Variants in KCNK12 observed in about 807,000 individuals in gnomAD.
KCNK12 encodes the protein potassium channel subfamily K member 12.
A neutral mutation model predicts 25.3 loss-of-function variants in KCNK12; 6 were observed. The ratio of observed to expected loss-of-function variants is 0.24; its 90% CI spans 0.13 to 0.47. The LOEUF (loss-of-function observed/expected upper bound fraction) is 0.47, where lower values mean the gene tolerates loss of function less well. KCNK12 is among the 20% of genes least tolerant of loss of function. The pLI is 0.99. For missense variants in KCNK12, 444 were observed against 661.7 expected (o/e 0.67, Z 3.61); for synonymous variants, 331 against 311.1 (o/e 1.06, Z -0.67).
intron 1 of KCNK12, among the ~76,000 whole-genome samples, chr2:47,541,859 T>C (rs749732853): frequency 6.6e-6 from 1 of 152,142 alleles, no homozygotes; most frequent in African/African-American, 2.4e-5. Context: ...TACATTTCCA[T>C]TGTTTAAGTC....
chr2:47,524,147 A>T (rs1439848498), intron 1 of KCNK12, among the ~76,000 whole-genome samples: 4 of 152,212 alleles, frequency 2.6e-5, no homozygotes, highest in Non-Finnish European at 5.9e-5. Context: ...AAGTGAAAAA[A>T]ACCAAAATAG....
chr2:47,509,819 G>T lies in KCNK12; in HGVS notation c.*11088C>A, dbSNP rs1035917495. Reference sequence around the variant, plus strand: ...ACCCCCTCCAATTTGTGTAAGGCCAGGGGACTTCCCCCCCACTCCCCAACC... The same window carrying T: ...ACCCCCTCCAATTTGTGTAAGGCCATGGGACTTCCCCCCCACTCCCCAACC... On this transcript the variant is annotated 3_prime_UTR_variant, in exon 2 of 2. Transcript: ENST00000327876. Among the ~76,000 whole-genome samples, 1 of 152,192 alleles carries T rather than the reference G, an allele frequency of 6.6e-6. No homozygotes were observed. The highest frequency in any genetic ancestry group is 2.4e-5 in the African/African-American group (1 of 41,446).
At chr2:47,535,255 G>A (rs1018146335) in intron 1 of KCNK12, 5 of 233,086 alleles carry the variant, frequency 2.1e-5, no homozygotes, top group Non-Finnish European at 3.4e-5. Flanking sequence ...AGAGGCCCAC[G>A]GAGAGCTGTG....
At chr2:47,563,725 T>G (rs964418493) in intron 1 of KCNK12, 3 of 232,934 alleles carry the variant, frequency 1.3e-5, no homozygotes, top group African/African-American at 6.6e-5. Context: ...GGCTGATTGT[T>G]GGCTTTTGTT....
rs2278139 is a variant in KCNK12 at position 47,521,153 on chromosome 2, A to G, written c.1047T>C (p.Gly349=). 525,710 of 1,285,502 alleles carry G rather than the reference A, an allele frequency of 0.41. 115,097 individuals are homozygous for G. The highest frequency in any genetic ancestry group is 0.79 in the African/African-American group (50,649 of 64,160). 79.6% of individuals were successfully genotyped at this position (1,285,502 alleles called of 1,614,324 possible). Residue 349 remains glycine (G), a synonymous_variant, in exon 2 of 2, where the codon GGT becomes GGC. Transcript: ENST00000327876. ...CGCTGTCGCGGGCCGCGGGGTCGGCACCGAGCGCGGCCAGGCGGCGGCGCA... is the reference window on the plus strand; with the variant it reads ...CGCTGTCGCGGGCCGCGGGGTCGGCGCCGAGCGCGGCCAGGCGGCGGCGCA... ...SRLRRRLAAL[G]ADPAARDSDA...
rs1476644787 is a variant in KCNK12 at position 47,521,459 on chromosome 2, G to C, written c.741C>G (p.Leu247=). 1.2e-6 allele frequency: 2 copies of C among 1,612,732 alleles called. No homozygotes were observed. Among genetic ancestry groups the C allele is most frequent in the Admixed American group, 1.7e-5 (1 of 59,906 alleles). The change falls in exon 2 of 2, where the codon CTC becomes CTG. Residue 247 remains leucine, a synonymous_variant. Coordinates refer to ENST00000327876, the MANE Select transcript of KCNK12 (RefSeq NM_022055.2). ...TGCTGAAGGTGACGAAGCAGAAGTA[G>C]AGCGAGTCCACGTAGTCCCAGCCCT... ...SVEGWDYVDS[L]YFCFVTFSTI...
chr2:47,559,074 G>A (rs1171205560), intron 1 of KCNK12, among the ~76,000 whole-genome samples: 1 of 152,212 alleles, frequency 6.6e-6, no homozygotes, highest in Non-Finnish European at 1.5e-5. Context: ...AGCCCCCCTA[G>A]TTCAGAACTG....
At position 47,569,492 on chromosome 2, in the gene KCNK12, C is replaced by T. The variant is rs972900453; in HGVS notation, c.391+449G>A. On this transcript the variant is annotated intron_variant, in intron 1 of 1. Transcript: ENST00000327876. The surrounding 1 kb of genome is among the most constrained non-coding windows in gnomAD (Gnocchi z 4.1). ...AGTTAGAGGCCACTGAGGGAGAAAA[C>T]AGGGTAAAAGAAGAAAGCGGGGGAG... Among the ~76,000 whole-genome samples, 4 of 151,966 alleles carry T rather than the reference C, an allele frequency of 2.6e-5. No individual in the cohort carries two copies. The highest frequency in any genetic ancestry group is 2.1e-4 in the South Asian group (1 of 4,814).
In KCNK12 at chr2:47,538,202, A is replaced by G. The variant is rs981418536; in HGVS notation, c.392-16394T>C. On this transcript the variant is annotated intron_variant, in intron 1 of 1. Coordinates refer to ENST00000327876, the MANE Select transcript of KCNK12 (RefSeq NM_022055.2). This position sits in a 1 kb window ranked among gnomAD's most constrained non-coding sequence, Gnocchi z 4.5. ...AAAGTCCCCTACCCTCAAGAAGCTT[A>G]CATTTCAGTATGGGAGATGGAATAA... Among the ~76,000 whole-genome samples the G allele has an allele frequency of 6.6e-6, 1 of 152,242 alleles. No individual in the cohort carries two copies. The highest frequency in any genetic ancestry group is 1.5e-5 in the Non-Finnish European group (1 of 68,040).
At position 47,524,850 on chromosome 2, in the gene KCNK12, G is replaced by A. The variant is rs184342422; in HGVS notation, c.392-3042C>T. ...TATAGGTGAGGGAGTAGGGGCTGAGGGGCTGTGACCTGCATGTTGGGGACA... is the reference window on the plus strand; with the variant it reads ...TATAGGTGAGGGAGTAGGGGCTGAGAGGCTGTGACCTGCATGTTGGGGACA... On this transcript the variant is annotated intron_variant, in intron 1 of 1. Transcript: ENST00000327876. 1.5e-3 allele frequency among the ~76,000 whole-genome samples: 229 copies of A among 152,238 alleles called. No homozygotes were observed. The Middle Eastern group carries it at 0.044, about 29-fold the overall frequency.
rs974202305 is a variant in KCNK12 at position 47,517,193 on chromosome 2, G to A, written c.*3714C>T. ...GTAAGATCGAACCACAGGGCCCGTC[G>A]CTCCTATGGTCTCTGCCTGACTGGG... On this transcript the variant is annotated 3_prime_UTR_variant, in exon 2 of 2. Coordinates refer to ENST00000327876, the MANE Select transcript of KCNK12 (RefSeq NM_022055.2). This position sits in a 1 kb window ranked among gnomAD's most constrained non-coding sequence, Gnocchi z 4.1. The A allele has an allele frequency of 1.2e-4, 19 of 152,080 alleles. No homozygotes were observed. The highest frequency in any genetic ancestry group is 3.9e-4 in the African/African-American group (16 of 41,394). The allele number at this position is 152,080 out of a possible 1,614,324, so 9.4% of individuals were successfully genotyped here. A position where few individuals can be genotyped will look rare whatever the true frequency, so the allele number is the denominator to read the frequency against.
Position 47,512,415 on chromosome 2 carries a change from G to A in KCNK12, c.*8492C>T, listed in dbSNP as rs756677305. 3.7e-6 allele frequency: 6 copies of A among 1,609,240 alleles called. No individual in the cohort carries two copies. Among genetic ancestry groups the A allele is most frequent in the Non-Finnish European group, 5.1e-6 (6 of 1,178,308 alleles). On this transcript the variant is annotated 3_prime_UTR_variant, in exon 2 of 2. Transcript: ENST00000327876. ...AGTCGGCCAGAGAGACAGAACCAGG[G>A]CAGTGGTGAGCTCTCATGACCTGGT...
At chr2:47,539,016 A>C (rs1301473655) in intron 1 of KCNK12, among the ~76,000 whole-genome samples, 2 of 152,248 alleles carry the variant, frequency 1.3e-5, no homozygotes, top group South Asian at 2.1e-4. Flanking sequence ...ATGCAATTTT[A>C]AAAGGAAATT....
chr2:47,509,826 T>TC lies in KCNK12; in HGVS notation c.*11080dup, dbSNP rs914715936. On this transcript the variant is annotated 3_prime_UTR_variant, in exon 2 of 2. Transcript: ENST00000327876. ...CCAATTTGTGTAAGGCCAGGGGACTTCCCCCCCACTCCCCAACCTGAGGCA... is the reference window on the plus strand; with the variant it reads ...CCAATTTGTGTAAGGCCAGGGGACTTCCCCCCCCACTCCCCAACCTGAGGCA... Among the ~76,000 whole-genome samples the TC allele has an allele frequency of 7.9e-5, 12 of 151,808 alleles. No individual in the cohort carries two copies. The South Asian group carries it at 1.0e-3, about 13-fold the overall frequency.
In KCNK12 at chr2:47,510,555, C is replaced by G. The variant is rs756875219; in HGVS notation, c.*10352G>C. Among the ~76,000 whole-genome samples the G allele has an allele frequency of 2.6e-5, 4 of 152,122 alleles. No individual in the cohort carries two copies. Among genetic ancestry groups the G allele is most frequent in the Non-Finnish European group, 4.4e-5 (3 of 68,024 alleles). ...AAAAGTCAAGGCTCCAGGATCTGCC[C>G]TGGGGGCTATCTCAACACCCCTACA... On this transcript the variant is annotated 3_prime_UTR_variant, in exon 2 of 2. Transcript: ENST00000327876.
chr2:47,564,389 G>C (rs116595810), intron 1 of KCNK12: 1 of 226,522 alleles, frequency 4.4e-6, no homozygotes, highest in Non-Finnish European at 8.8e-6. Flanking sequence ...GCCATCTTGC[G>C]TAAAGATGAT....
At position 47,548,815 on chromosome 2, in the gene KCNK12, C is replaced by T. The variant is rs1669365848; in HGVS notation, c.391+21126G>A. 6.6e-6 allele frequency among the ~76,000 whole-genome samples: 1 copy of T among 152,204 alleles called. No homozygotes were observed. Among genetic ancestry groups the T allele is most frequent in the African/African-American group, 2.4e-5 (1 of 41,448 alleles). ...TTGCCTGGTGGCAGCTTTCAGACAG[C>T]CATGGGAGTGGAGAGATCCAGACAG... On this transcript the variant is annotated intron_variant, in intron 1 of 1. Coordinates refer to ENST00000327876, the MANE Select transcript of KCNK12 (RefSeq NM_022055.2). This position sits in a 1 kb window ranked among gnomAD's most constrained non-coding sequence, Gnocchi z 4.4.
rs189452581 is a variant in KCNK12, at chr2:47,552,638, C to T, written c.391+17303G>A. On this transcript the variant is annotated intron_variant, in intron 1 of 1. Transcript: ENST00000327876. ...CAAAAATTAGCTGGGCATGGTGGTG[C>T]ATGTCTGTAATCCCAGCTACTCAGG... Among the ~76,000 whole-genome samples, 703 of 152,118 alleles carry T rather than the reference C, an allele frequency of 4.6e-3. 3 individuals are homozygous for T. The highest frequency in any genetic ancestry group is 6.4e-3 in the Non-Finnish European group (438 of 67,992).
At chr2:47,546,312 A>G (rs1031162484) in intron 1 of KCNK12, among the ~76,000 whole-genome samples, 8 of 152,244 alleles carry the variant, frequency 5.3e-5, no homozygotes, top group African/African-American at 1.9e-4. Flanking sequence ...TAAAAGTGCT[A>G]CTGAATTAAT....
Sources: gnomAD v4.1 joint callset for allele counts (sites outside exome capture counted in the v4.1 genomes callset) on GRCh38, gnomAD v4.1.1 for gene constraint, Gnocchi (gnomAD v3.1) non-coding constraint, MANE v1.5 for transcripts, NCBI Gene and HGNC (gene_info 2026-07-23, HGNC 2026-07-21) for gene names.